Variants in ANKRD28 observed in about 807,000 individuals in gnomAD.
ANKRD28 encodes ankyrin repeat domain 28.
ANKRD28 carries 44 observed loss-of-function variants against 126.5 expected under a neutral mutation model. That is an observed-to-expected ratio of 0.35 (90% confidence interval 0.27 to 0.45). ANKRD28 has a LOEUF of 0.45. Among genes scored for constraint, ANKRD28 ranks in the 20% least tolerant of loss-of-function variants. The probability of loss-of-function intolerance (pLI) is 1.00; values close to 1 mark genes in which losing one functional copy is unlikely to be tolerated. For missense variants in ANKRD28, 1,110 were observed against 1,316.6 expected (o/e 0.84, Z 2.43); for synonymous variants, 442 against 468.5 (o/e 0.94, Z 0.73).
At chr3:15,691,344 C>T (rs1390692420) in intron 17 of ANKRD28, among the ~76,000 whole-genome samples, 3 of 151,994 alleles carry the variant, frequency 2.0e-5, no homozygotes, top group African/African-American at 7.2e-5. Flanking sequence ...AGGATGGTCT[C>T]GATCTCTTGA....
At chr3:15,705,571 G>T (rs2071241079) in intron 14 of ANKRD28, among the ~76,000 whole-genome samples, 1 of 151,756 alleles carries the variant, frequency 6.6e-6, no homozygotes, top group Non-Finnish European at 1.5e-5. Flanking sequence ...GATAAATTAG[G>T]GATAAGCTAC....
chr3:15,797,564 A>G lies in ANKRD28; in HGVS notation c.-1043T>C, dbSNP rs114755529. ...TCAGGCTTTTTGTTTTCTTTAAAAAAAAAAAGGGGGGGGAAAAACATAGTA... is the reference window on the plus strand; with the variant it reads ...TCAGGCTTTTTGTTTTCTTTAAAAAGAAAAAGGGGGGGGAAAAACATAGTA... On this transcript the variant is annotated 5_prime_UTR_variant, in exon 1 of 28. Transcript: ENST00000683139. 0.018 allele frequency: 17,965 copies of G among 985,240 alleles called. 175 individuals carry two copies. The highest frequency in any genetic ancestry group is 0.02 in the Non-Finnish European group (16,562 of 829,902). 61.0% of individuals were successfully genotyped at this position (985,240 alleles called of 1,614,324 possible).
At chr3:15,734,888 T>C (rs1420533422) in intron 6 of ANKRD28, among the ~76,000 whole-genome samples, 1 of 147,826 alleles carries the variant, frequency 6.8e-6, no homozygotes, top group African/African-American at 2.5e-5. Context: ...TGAGCTCTAT[T>C]AGTTTTAGAG....
intron 6 of ANKRD28, among the ~76,000 whole-genome samples, chr3:15,734,002 T>C (rs1575439930): frequency 1.3e-5 from 2 of 152,366 alleles, no homozygotes; most frequent in South Asian, 4.1e-4. Flanking sequence ...TTACATATTA[T>C]ACAGTTGACC....
In ANKRD28 at chr3:15,831,027, G is replaced by A. The variant is rs2061176915; in HGVS notation, c.27+28350C>T. On this transcript the variant is annotated intron_variant, in intron 1 of 27. Transcript: ENST00000399451. ...CACTGTCTGCACAACCCCATTAGGA[G>A]AGGACATCTGGAAGTTCACGCCTGA... 2.6e-5 allele frequency among the ~76,000 whole-genome samples: 4 copies of A among 152,304 alleles called. No individual in the cohort carries two copies. In the South Asian group the frequency reaches 8.3e-4, roughly 32 times the overall value.
intron 1 of ANKRD28, among the ~76,000 whole-genome samples, chr3:15,852,388 T>C (rs1360762633): frequency 6.6e-6 from 1 of 152,262 alleles, no homozygotes; most frequent in Non-Finnish European, 1.5e-5. Context: ...AGTTTCTGAA[T>C]TTCTCTACTC....
intron 21 of ANKRD28, among the ~76,000 whole-genome samples, chr3:15,682,373 G>A (rs2067637815): frequency 1.3e-5 from 2 of 152,062 alleles, no homozygotes; most frequent in South Asian, 4.2e-4. Context: ...AGGGAACAGT[G>A]GGGCCCCTTT....
rs2060725554 is a variant in ANKRD28 at position 15,812,094 on chromosome 3, A to C, written c.28-16788T>G. On this transcript the variant is annotated intron_variant, in intron 1 of 27. Transcript: ENST00000399451. This position sits in a 1 kb window ranked among gnomAD's most constrained non-coding sequence, Gnocchi z 4.1. Reference sequence around the variant, plus strand: ...CTTGAACCCAGGAGGCTGAGGTTGCAGTGAGCTGAGATTGAGGCACTGCAC... The same window carrying C: ...CTTGAACCCAGGAGGCTGAGGTTGCCGTGAGCTGAGATTGAGGCACTGCAC... Among the ~76,000 whole-genome samples the C allele has an allele frequency of 6.6e-6, 1 of 151,920 alleles. No individual in the cohort carries two copies. Among genetic ancestry groups the C allele is most frequent in the Non-Finnish European group, 1.5e-5 (1 of 67,982 alleles).
Position 15,735,555 on chromosome 3 carries a change from G to A in ANKRD28, c.553-58C>T, listed in dbSNP as rs929897078. Reference sequence around the variant, plus strand: ...TTGTGAAGCACAATTGTCTATGAATGTACATTTCTGACAGTTACTTATCTC... The same window carrying A: ...TTGTGAAGCACAATTGTCTATGAATATACATTTCTGACAGTTACTTATCTC... On this transcript the variant is annotated intron_variant, in intron 5 of 27. Coordinates refer to ENST00000683139, the MANE Select transcript of ANKRD28 (RefSeq NM_001349278.2). 47 of 1,309,478 alleles carry A rather than the reference G, an allele frequency of 3.6e-5. 1 individual carries two copies. The Admixed American group carries it at 9.3e-4, about 26-fold the overall frequency. 81.1% of individuals were successfully genotyped at this position (1,309,478 alleles called of 1,614,324 possible).
In ANKRD28 at chr3:15,685,331, T is replaced by C. The variant is rs1305457715; in HGVS notation, c.2284A>G (p.Ile762Val). Residue 762 changes from isoleucine (I) to valine (V), a missense_variant, in exon 21 of 28, where the codon ATT (isoleucine) becomes GTT (valine). Ile to Val is a conservative substitution (Grantham distance 29). Coordinates refer to ENST00000683139, the MANE Select transcript of ANKRD28 (RefSeq NM_001349278.2). Reference protein sequence around the residue: ...PIHLSAACGHIGVLGALLQSA... With the variant: ...PIHLSAACGHVGVLGALLQSA... ...TGCAAAAGGGCTCCAAGAACACCAA[T>C]GTGTCCACAGGCAGCAGACAGGTGT... 3 of 1,613,990 alleles carry C rather than the reference T, an allele frequency of 1.9e-6. No homozygotes were observed. Among genetic ancestry groups the C allele is most frequent in the South Asian group, 1.1e-5 (1 of 91,082 alleles).
At chr3:15,735,569 G>C (rs944011198) in intron 5 of ANKRD28, 72 bp from the exon 6 acceptor site, 1 of 1,187,270 alleles carries the variant, frequency 8.4e-7, no homozygotes, top group African/African-American at 1.5e-5. Context: ...ATTTCTGACA[G>C]TTACTTATCT....
Position 15,838,172 on chromosome 3 carries a change from C to T in ANKRD28, c.27+21205G>A, listed in dbSNP as rs917083406. 6.6e-6 allele frequency among the ~76,000 whole-genome samples: 1 copy of T among 152,168 alleles called. No homozygotes were observed. The highest frequency in any genetic ancestry group is 6.5e-5 in the Admixed American group (1 of 15,280). ...GCCTTGGCCCACATAGTTTCTTTCA[C>T]TGGTGAATTTTACCAAACACTAAAG... On this transcript the variant is annotated intron_variant, in intron 1 of 27. Coordinates refer to the ANKRD28 transcript ENST00000399451. This position sits in a 1 kb window ranked among gnomAD's most constrained non-coding sequence, Gnocchi z 4.0.
At chr3:15,712,628 A>C (rs1346147289) in intron 10 of ANKRD28, among the ~76,000 whole-genome samples, 1 of 152,168 alleles carries the variant, frequency 6.6e-6, no homozygotes, top group Non-Finnish European at 1.5e-5. Flanking sequence ...CTGTCACCCC[A>C]CCATTGAAAC....
At chr3:15,755,632 T>C (rs1471475780) in intron 3 of ANKRD28, among the ~76,000 whole-genome samples, 1 of 152,118 alleles carries the variant, frequency 6.6e-6, no homozygotes, top group Non-Finnish European at 1.5e-5. Context: ...ATAATGAGGA[T>C]GGAGATACAG....
chr3:15,855,437 A>G (rs145949627), intron 1 of ANKRD28, among the ~76,000 whole-genome samples: 15 of 152,340 alleles, frequency 9.8e-5, no homozygotes, highest in African/African-American at 3.6e-4. Flanking sequence ...CACAAAAATG[A>G]TCCAAATGTA....
At chr3:15,695,371 C>T (rs756002906) in intron 15 of ANKRD28, among the ~76,000 whole-genome samples, 157 bp from the exon 16 acceptor site, 33 of 152,124 alleles carry the variant, frequency 2.2e-4, no homozygotes, top group Non-Finnish European at 4.6e-4. Context: ...TATATCACAA[C>T]AGACGTCAAA....
At chr3:15,798,081 C>T (rs2060358725), upstream of ANKRD28, 1 of 985,312 alleles carries the variant, frequency 1.0e-6, no homozygotes, top group Non-Finnish European at 1.2e-6. Flanking sequence ...GTGACTAATC[C>T]AAATCAAACT....
At chr3:15,783,806 G>A (rs1475220995) in intron 2 of ANKRD28, among the ~76,000 whole-genome samples, 4 of 151,760 alleles carry the variant, frequency 2.6e-5, no homozygotes, top group South Asian at 2.1e-4. Flanking sequence ...CCAAATGAAC[G>A]TCAGATAACA....
At chr3:15,694,936 G>C in intron 16 of ANKRD28, 123 bp from the exon 17 acceptor site, 2 of 917,918 alleles carry the variant, frequency 2.2e-6, no homozygotes, top group Non-Finnish European at 1.7e-6. Context: ...TATAAAACAT[G>C]ATTATTATGA....
Sources: allele counts gnomAD v4.1 joint callset (sites outside exome capture counted in the v4.1 genomes callset), GRCh38; gene constraint gnomAD v4.1.1; non-coding constraint Gnocchi (gnomAD v3.1); transcripts MANE v1.5; gene names NCBI Gene and HGNC (gene_info 2026-07-23, HGNC 2026-07-21).